LEKR1: variants seen among roughly 807,000 people sequenced by gnomAD.
LEKR1 encodes the protein protein LEKR1.
A neutral mutation model predicts 72.4 loss-of-function variants in LEKR1; 59 were observed. That is an observed-to-expected ratio of 0.82 (90% confidence interval 0.66 to 1.01). The LOEUF (loss-of-function observed/expected upper bound fraction) is 1.01, where lower values mean the gene tolerates loss of function less well. Among genes scored for constraint, LEKR1 ranks in the 50% least tolerant of loss-of-function variants. LEKR1 has a pLI of 0.00. For synonymous variants in LEKR1, 257 were observed against 263.2 expected (o/e 0.98, Z 0.23); for missense variants, 728 against 759.2 (o/e 0.96, Z 0.48).
chr3:156,876,136 G>A (rs1718547280), intron 3 of LEKR1, among the ~76,000 whole-genome samples: 1 of 152,022 alleles, frequency 6.6e-6, no homozygotes, highest in African/African-American at 2.4e-5. Flanking sequence ...AAATCAGGTG[G>A]CTGTAAGTAT....
At chr3:156,945,436 C>A (rs1348943058) in intron 6 of LEKR1, among the ~76,000 whole-genome samples, 2 of 151,304 alleles carry the variant, frequency 1.3e-5, no homozygotes, top group African/African-American at 4.8e-5. Context: ...GTGATCCCTG[C>A]AGAATGTTTT....
chr3:156,839,480 A>C (rs955732294), intron 2 of LEKR1, among the ~76,000 whole-genome samples: 1 of 152,232 alleles, frequency 6.6e-6, no homozygotes, highest in Admixed American at 6.5e-5. Context: ...GACGTTGTGC[A>C]TGACTTCAAA....
Position 156,942,708 on chromosome 3 carries a change from G to C in LEKR1, c.739G>C (p.Val247Leu). ...CAGATGCTATGATTTGCAAAAAGAA[G>C]TACTAGGTAAAGAAAAGTCTTTTGC... Reference protein sequence around the residue: ...QTRCYDLQKEVLDLQCLVEAL... With the variant: ...QTRCYDLQKELLDLQCLVEAL... The change falls in exon 6 of 13, where the codon GTA becomes CTA. Residue 247 changes from valine (V) to leucine (L), a missense_variant. Physicochemically the swap from Val to Leu is conservative, Grantham distance 32. Coordinates refer to ENST00000356539, the MANE Select transcript of LEKR1 (RefSeq NM_001004316.3). 1 of 1,244,942 alleles carries C rather than the reference G, an allele frequency of 8.0e-7. No individual in the cohort carries two copies. The highest frequency in any genetic ancestry group is 1.0e-6 in the Non-Finnish European group (1 of 972,598). The allele number at this position is 1,244,942 out of a possible 1,614,324, so 77.1% of individuals were successfully genotyped here.
chr3:156,866,444 G>T (rs1445415042), intron 3 of LEKR1, among the ~76,000 whole-genome samples: 1 of 152,014 alleles, frequency 6.6e-6, no homozygotes, highest in African/African-American at 2.4e-5. Context: ...ATTACTGTGA[G>T]GATGAGCATG....
chr3:157,020,284 T>TATG (rs1295919022), intron 10 of LEKR1, among the ~76,000 whole-genome samples: 1 of 147,430 alleles, frequency 6.8e-6, no homozygotes, highest in African/African-American at 2.5e-5. Context: ...TTATTATTAT[T>TATG]ATTATTATTA....
intron 3 of LEKR1, among the ~76,000 whole-genome samples, chr3:156,867,886 T>G (rs1717494524): frequency 6.6e-6 from 1 of 152,100 alleles, no homozygotes; most frequent in Non-Finnish European, 1.5e-5. Context: ...AGCCAAGATT[T>G]TTATACTATA....
chr3:156,986,697 G>C (rs991138235), intron 7 of LEKR1, among the ~76,000 whole-genome samples: 2 of 152,206 alleles, frequency 1.3e-5, no homozygotes, highest in African/African-American at 4.8e-5. Flanking sequence ...ACTTGGGCAA[G>C]TTTCTTTTCT....
intron 6 of LEKR1, among the ~76,000 whole-genome samples, chr3:156,959,972 G>T (rs1423589635): frequency 6.6e-6 from 1 of 151,974 alleles, no homozygotes; most frequent in Non-Finnish European, 1.5e-5. Context: ...TACCAATGTG[G>T]TATTAATTGA....
At chr3:156,995,862 T>G (rs34376118) in intron 9 of LEKR1, among the ~76,000 whole-genome samples, 8,159 of 152,238 alleles carry the variant, frequency 0.054, 252 homozygotes, top group Middle Eastern at 0.092. Context: ...TTTAAAAATG[T>G]CCTTGTAGAC....
At chr3:156,980,068 G>A (rs1202677925) in intron 7 of LEKR1, 1 of 151,986 alleles carries the variant, frequency 6.6e-6, no homozygotes, top group Non-Finnish European at 1.5e-5. Flanking sequence ...AAAAATTATA[G>A]CATAAACATA....
chr3:157,043,000 G>C lies in LEKR1; in HGVS notation c.1669-2340G>C, dbSNP rs148906795. Among the ~76,000 whole-genome samples the C allele has an allele frequency of 6.2e-3, 946 of 152,250 alleles. 5 individuals carry two copies. The highest frequency in any genetic ancestry group is 0.021 in the African/African-American group (892 of 41,518). On this transcript the variant is annotated intron_variant, in intron 12 of 12. Transcript: ENST00000356539. ...TTGGATCATAGGGGCAGTTTCTCAT[G>C]AATGGTTTAGCACCATCCTGTTGGT...
At chr3:157,039,590 G>A (rs1436288782) in intron 12 of LEKR1, among the ~76,000 whole-genome samples, 1 of 152,156 alleles carries the variant, frequency 6.6e-6, no homozygotes, top group East Asian at 1.9e-4. Flanking sequence ...CTGTACTCGA[G>A]CCTGGGCAAC....
chr3:157,006,557 A>G (rs554827153), intron 9 of LEKR1, among the ~76,000 whole-genome samples: 1 of 152,342 alleles, frequency 6.6e-6, no homozygotes, highest in Non-Finnish European at 1.5e-5. Context: ...GTACACAGGT[A>G]TTGAGAGCAG....
intron 2 of LEKR1, among the ~76,000 whole-genome samples, chr3:156,850,405 G>A (rs986345730): frequency 6.6e-6 from 1 of 152,096 alleles, no homozygotes; most frequent in Non-Finnish European, 1.5e-5. Context: ...GAGGAAGATT[G>A]GGCATGAATT....
In LEKR1 at chr3:156,853,513, C is replaced by T. The variant is rs1715651559; in HGVS notation, c.263+531C>T. ...GCCTAAAGACACTTCAGTGAGCCTA[C>T]ACAGGAGAGTTTTTGCTGGTGTTTT... On this transcript the variant is annotated intron_variant, in intron 3 of 12. Coordinates refer to ENST00000356539, the MANE Select transcript of LEKR1 (RefSeq NM_001004316.3). 2.0e-5 allele frequency among the ~76,000 whole-genome samples: 3 copies of T among 152,022 alleles called. No individual in the cohort carries two copies. In the South Asian group the frequency reaches 6.2e-4, roughly 31 times the overall value.
chr3:157,011,473 G>A lies in LEKR1; in HGVS notation c.1170G>A (p.Gln390=). ...AGCAGCTGCAAGAAACCCTTAGACA[G>A]AAGCTGCTGAGTGATGATAACTGGA... ...SIEQLQETLR[Q]KLLSDDNWKE... Residue 390 remains glutamine, a synonymous_variant, in exon 10 of 13, where the codon CAG becomes CAA. Coordinates refer to ENST00000356539, the MANE Select transcript of LEKR1 (RefSeq NM_001004316.3). 6.2e-7 allele frequency: 1 copy of A among 1,613,026 alleles called. No individual in the cohort carries two copies. Among genetic ancestry groups the A allele is most frequent in the Non-Finnish European group, 8.5e-7 (1 of 1,179,174 alleles).
intron 1 of LEKR1, 27 bp from the exon 2 acceptor site, chr3:156,829,259 T>C: frequency 1.2e-6 from 1 of 848,090 alleles, no homozygotes; most frequent in Non-Finnish European, 1.9e-6. Context: ...TTATTTCTGT[T>C]CTGACTGTTG....
At chr3:157,000,703 C>T (rs577424021) in intron 9 of LEKR1, among the ~76,000 whole-genome samples, 2 of 152,152 alleles carry the variant, frequency 1.3e-5, no homozygotes, top group African/African-American at 2.4e-5. Context: ...CAGTAAATAT[C>T]TGTTGAATTC....
intron 3 of LEKR1, among the ~76,000 whole-genome samples, chr3:156,876,440 A>G (rs1264307362): frequency 4.6e-5 from 7 of 152,140 alleles, no homozygotes; most frequent in Admixed American, 2.0e-4. Flanking sequence ...CATTTTCACA[A>G]TATTGATTCA....
Sources: gnomAD v4.1 joint callset for allele counts (sites outside exome capture counted in the v4.1 genomes callset) on GRCh38, gnomAD v4.1.1 for gene constraint, MANE v1.5 for transcripts, NCBI Gene and HGNC (gene_info 2026-07-23, HGNC 2026-07-21) for gene names.